REC114: variants seen among roughly 807,000 people sequenced by gnomAD.
The protein encoded by REC114 is REC114 meiotic recombination protein.
REC114 carries 27 observed loss-of-function variants against 31.3 expected under a neutral mutation model. That is an observed-to-expected ratio of 0.86 (90% CI 0.64 to 1.19). The LOEUF (loss-of-function observed/expected upper bound fraction) is 1.19. Among genes scored for constraint, REC114 ranks in the 50% most tolerant of loss-of-function variants. REC114 has a pLI of 0.00. For synonymous variants in REC114, 134 were observed against 127.7 expected (o/e 1.05, Z -0.33); for missense variants, 344 against 326.9 (o/e 1.05, Z -0.40).
intron 2 of REC114, among the ~76,000 whole-genome samples, chr15:73,521,072 T>G (rs146078842): frequency 6.6e-6 from 1 of 152,292 alleles, no homozygotes; most frequent in East Asian, 1.9e-4. Flanking sequence ...TCTTTCAGGA[T>G]GGGCCAGAGT....
chr15:73,547,811 G>A (rs185183915), intron 3 of REC114, among the ~76,000 whole-genome samples: 3 of 152,174 alleles, frequency 2.0e-5, no homozygotes, highest in Admixed American at 1.3e-4. Flanking sequence ...AAAACCAAAC[G>A]CTATAAAAAT....
At chr15:73,550,877 C>A in intron 3 of REC114, 61 bp from the exon 4 acceptor site, 1 of 1,528,412 alleles carries the variant, frequency 6.5e-7, no homozygotes, top group Non-Finnish European at 9.0e-7. Context: ...CAGTGGAAGA[C>A]CCCAAAGTAA....
chr15:73,499,385 C>G (rs1357650152), intron 2 of REC114, among the ~76,000 whole-genome samples: 2 of 152,014 alleles, frequency 1.3e-5, no homozygotes, highest in Non-Finnish European at 2.9e-5. Context: ...CCAGTTTGAT[C>G]ACTTGCTGTC....
intron 2 of REC114, among the ~76,000 whole-genome samples, chr15:73,514,367 C>T (rs1018428368): frequency 3.3e-5 from 5 of 151,698 alleles, no homozygotes; most frequent in East Asian, 1.9e-4. Flanking sequence ...GAGATGAACC[C>T]GGTACCTCAG....
At chr15:73,478,902 T>C (rs1893253999) in intron 2 of REC114, among the ~76,000 whole-genome samples, 1 of 152,232 alleles carries the variant, frequency 6.6e-6, no homozygotes, top group African/African-American at 2.4e-5. Context: ...ATATTGACCT[T>C]GTATCCTGTG....
chr15:73,510,380 G>A (rs1261525793), intron 2 of REC114, among the ~76,000 whole-genome samples: 14 of 152,154 alleles, frequency 9.2e-5, no homozygotes, highest in African/African-American at 2.4e-4. Context: ...CAATCATGTC[G>A]TCTGCAAACA....
Position 73,559,821 on chromosome 15 carries a change from C to A in REC114, c.706C>A (p.Pro236Thr). Residue 236 changes from proline to threonine, a missense_variant, in exon 6 of 6, where the codon CCC becomes ACC. Transcript: ENST00000331090. Reference sequence around the variant, plus strand: ...TGCATGGGGTGCAGAAGAGTTAGGCCCCTTCCTACGTTTGTGCCTTATGGA... The same window carrying A: ...TGCATGGGGTGCAGAAGAGTTAGGCACCTTCCTACGTTTGTGCCTTATGGA... The part of the protein sequence containing the change: ...QSAWGAEELG[P>T]FLRLCLMDQN... 2 of 1,612,676 alleles carry A rather than the reference C, an allele frequency of 1.2e-6. No individual in the cohort carries two copies. Among genetic ancestry groups the A allele is most frequent in the Non-Finnish European group, 1.7e-6 (2 of 1,179,392 alleles).
intron 1 of REC114, among the ~76,000 whole-genome samples, chr15:73,463,592 G>A (rs918503399): frequency 6.6e-6 from 1 of 152,184 alleles, no homozygotes; most frequent in African/African-American, 2.4e-5. Flanking sequence ...AGGCCCAGGT[G>A]GGTGAATCAC....
rs1894466723 is a variant in REC114 at position 73,556,326 on chromosome 15, C to T, written c.571C>T (p.Gln191Ter). 6.2e-7 allele frequency: 1 copy of T among 1,613,648 alleles called. No individual in the cohort carries two copies. Residue 191 changes from glutamine to a stop codon, truncating the protein, a stop_gained, in exon 5 of 6, where the codon CAA becomes TAA. Coordinates refer to ENST00000331090, the MANE Select transcript of REC114 (RefSeq NM_001042367.2). LOFTEE classifies it high-confidence loss of function. ...GTCCCACCAGCACTCAGAACAACAGCAAGTGTGTGTAACAGCGGGCACAGG... is the reference window on the plus strand; with the variant it reads ...GTCCCACCAGCACTCAGAACAACAGTAAGTGTGTGTAACAGCGGGCACAGG... ...PGSHQHSEQQ[Q>*]VCVTAGTGAP...
intron 2 of REC114, 53 bp downstream of exon 2, chr15:73,473,974 CT>C: frequency 8.4e-7 from 1 of 1,192,622 alleles, no homozygotes; most frequent in Non-Finnish European, 1.2e-6. Flanking sequence ...GTCTTCTTAG[CT>C]TTACATGAAT....
chr15:73,533,606 A>C (rs1238179484), intron 2 of REC114, among the ~76,000 whole-genome samples: 92 of 150,944 alleles, frequency 6.1e-4, no homozygotes, highest in South Asian at 4.1e-3. Context: ...TAACACCCCA[A>C]TGTCAACATT....
chr15:73,550,122 G>T (rs1230247636), intron 3 of REC114, among the ~76,000 whole-genome samples: 1 of 152,096 alleles, frequency 6.6e-6, no homozygotes, highest in African/African-American at 2.4e-5. Context: ...GTCCTGTTTC[G>T]GGAGGCTTTT....
intron 2 of REC114, among the ~76,000 whole-genome samples, chr15:73,509,582 G>A (rs1293233754): frequency 2.0e-5 from 3 of 146,950 alleles, no homozygotes; most frequent in African/African-American, 7.6e-5. Context: ...TAGGTCTAAC[G>A]TTTAAATCTT....
At position 73,551,092 on chromosome 15, in the gene REC114, C is replaced by G. The variant is rs1235496598; in HGVS notation, c.488C>G (p.Pro163Arg). Residue 163 changes from proline (P) to arginine (R), a missense_variant, in exon 4 of 6, where the codon CCC (proline) becomes CGC (arginine). Coordinates refer to ENST00000331090, the MANE Select transcript of REC114 (RefSeq NM_001042367.2). ...IQELQLIPGP[P>R]RATESQGKDS... Reference sequence around the variant, plus strand: ...GAGCTTCAGCTGATTCCTGGCCCACCCAGGGCAACTGAAAGTCAAGGGAAG... The same window carrying G: ...GAGCTTCAGCTGATTCCTGGCCCACGCAGGGCAACTGAAAGTCAAGGGAAG... 1.2e-6 allele frequency: 2 copies of G among 1,613,416 alleles called. No individual in the cohort carries two copies. Among genetic ancestry groups the G allele is most frequent in the Non-Finnish European group, 1.7e-6 (2 of 1,179,666 alleles).
At chr15:73,482,752 AGTT>A (rs1412633621) in intron 2 of REC114, among the ~76,000 whole-genome samples, 2 of 152,228 alleles carry the variant, frequency 1.3e-5, no homozygotes, top group African/African-American at 4.8e-5. Context: ...ATGGATGTTC[AGTT>A]GTTAATACCT....
chr15:73,539,282 A>ATTTTTT lies in REC114; in HGVS notation c.250-1182_250-1177dup, dbSNP rs753968018. 8.8e-4 allele frequency among the ~76,000 whole-genome samples: 62 copies of ATTTTTT among 70,816 alleles called. 7 individuals carry two copies. The highest frequency in any genetic ancestry group is 6.2e-3 in the East Asian group (13 of 2,094). The allele number at this position is 70,816 out of a possible 152,430, so 46.5% of individuals were successfully genotyped here. On this transcript the variant is annotated intron_variant, in intron 2 of 5. Transcript: ENST00000331090. ...GCTTAGAGGTAGCATTTCAGAACTG[A>ATTTTTT]TTTTTTTTTTTTTTTTTTTTTTTTT...
intron 2 of REC114, among the ~76,000 whole-genome samples, chr15:73,523,331 G>C (rs1346684555): frequency 4.6e-5 from 7 of 152,108 alleles, no homozygotes; most frequent in Non-Finnish European, 1.0e-4. Flanking sequence ...AAAAAAAAGG[G>C]GGAAATGAGG....
intron 2 of REC114, among the ~76,000 whole-genome samples, chr15:73,519,458 A>AT (rs1485061608): frequency 6.6e-6 from 1 of 152,258 alleles, no homozygotes; most frequent in African/African-American, 2.4e-5. Context: ...CACTTTTATT[A>AT]TAGCAGCTAG....
chr15:73,504,875 A>G (rs1013750050), intron 2 of REC114, among the ~76,000 whole-genome samples: 3 of 152,096 alleles, frequency 2.0e-5, no homozygotes, highest in African/African-American at 4.8e-5. Flanking sequence ...ATTGGATTCT[A>G]TTTTAATTTG....
Sources: allele counts gnomAD v4.1 joint callset (sites outside exome capture counted in the v4.1 genomes callset), GRCh38; gene constraint gnomAD v4.1.1; transcripts MANE v1.5; gene names NCBI Gene and HGNC (gene_info 2026-07-23, HGNC 2026-07-21).